The following LMNTD1 variants were observed in gnomAD, a reference collection of about 807,000 sequenced individuals.
The protein encoded by LMNTD1 is lamin tail domain containing 1.
Under a neutral mutation model 50.9 loss-of-function variants are expected in LMNTD1, and 35 were observed. That is an observed-to-expected ratio of 0.69 (90% CI 0.53 to 0.91). LMNTD1 has a LOEUF of 0.91. LMNTD1 is among the 40% of genes least tolerant of loss of function. The pLI is 0.00. For missense variants in LMNTD1, 470 were observed against 475.5 expected (o/e 0.99, Z 0.11); for synonymous variants, 153 against 161.9 (o/e 0.94, Z 0.42).
chr12:25,589,225 A>G (rs1945626173), intron 1 of LMNTD1, among the ~76,000 whole-genome samples: 1 of 152,246 alleles, frequency 6.6e-6, no homozygotes, highest in African/African-American at 2.4e-5. Context: ...TATAACAGTC[A>G]GAAATCAATT....
intron 1 of LMNTD1, among the ~76,000 whole-genome samples, chr12:25,575,684 A>G (rs1944980056): frequency 5.2e-5 from 1 of 19,254 alleles, no homozygotes; most frequent in Non-Finnish European, 2.7e-4. Context: ...CCCTAGCTCT[A>G]TTTTCTTTTT....
At chr12:25,620,987 G>T (rs1362214929) in intron 1 of LMNTD1, among the ~76,000 whole-genome samples, 1 of 152,284 alleles carries the variant, frequency 6.6e-6, no homozygotes, top group Middle Eastern at 3.4e-3. Context: ...CTGGTAAGTG[G>T]CAGGGAAGAG....
chr12:25,511,597 A>T (rs1417271913), intron 8 of LMNTD1, among the ~76,000 whole-genome samples: 4 of 152,162 alleles, frequency 2.6e-5, no homozygotes, highest in Non-Finnish European at 5.9e-5. Flanking sequence ...CATTTTTCAC[A>T]TTGCTTTTAA....
chr12:25,564,757 T>C (rs1323675170), intron 1 of LMNTD1, among the ~76,000 whole-genome samples: 2 of 152,184 alleles, frequency 1.3e-5, no homozygotes, highest in East Asian at 3.8e-4. Flanking sequence ...TGGTCTATAG[T>C]GTATATTAAG....
rs138534907 is a variant in LMNTD1 at position 25,546,502 on chromosome 12, C to G, written c.363G>C (p.Gly121=). Reference sequence around the variant, plus strand: ...AAGAAAGGAAATAATCTTCTCCATCCCCAATCATGGGTGATTCATCCTGTT... The same window carrying G: ...AAGAAAGGAAATAATCTTCTCCATCGCCAATCATGGGTGATTCATCCTGTT... The part of the protein sequence containing the change: ...PKKQDESPMI[G]DGEDYFLSLF... Residue 121 remains glycine, a synonymous_variant, in exon 4 of 10, where the codon GGG becomes GGC. Transcript: ENST00000458174. 5.7e-6 allele frequency: 9 copies of G among 1,590,582 alleles called. No homozygotes were observed. The highest frequency in any genetic ancestry group is 7.7e-6 in the Non-Finnish European group (9 of 1,166,640).
intron 1 of LMNTD1, among the ~76,000 whole-genome samples, chr12:25,620,048 C>A (rs906784065): frequency 6.6e-6 from 1 of 152,088 alleles, no homozygotes; most frequent in Admixed American, 6.6e-5. Context: ...CATGTTATTC[C>A]ATAATTTAGA....
At chr12:25,539,044 C>T (rs1591955499) in intron 4 of LMNTD1, among the ~76,000 whole-genome samples, 1 of 151,534 alleles carries the variant, frequency 6.6e-6, no homozygotes, top group South Asian at 2.1e-4. Flanking sequence ...TATATGTGCA[C>T]CCAATACAGG....
chr12:25,634,966 C>T (rs142017759), intron 1 of LMNTD1, among the ~76,000 whole-genome samples: 6 of 152,232 alleles, frequency 3.9e-5, no homozygotes, highest in East Asian at 3.9e-4. Context: ...GCAGGCTGGG[C>T]GCAGTGGCTC....
chr12:25,598,577 GAA>G (rs2136500561), intron 1 of LMNTD1, among the ~76,000 whole-genome samples: 1 of 151,706 alleles, frequency 6.6e-6, no homozygotes, highest in Non-Finnish European at 1.5e-5. Flanking sequence ...TTGTTTTCTT[GAA>G]AAGTTAAACA....
In LMNTD1 at chr12:25,546,426, T is replaced by A; in HGVS notation, c.439A>T (p.Thr147Ser). The A allele has an allele frequency of 6.3e-7, 1 of 1,596,132 alleles. No homozygotes were observed. The highest frequency in any genetic ancestry group is 8.5e-7 in the Non-Finnish European group (1 of 1,170,784). Residue 147 changes from threonine (T) to serine (S), a missense_variant, in exon 4 of 10, where the codon ACT becomes TCT. By Grantham distance (58) the Thr-to-Ser change is moderately conservative. Transcript: ENST00000458174. ...AGAATCATAGAAAAGTATTTTAAAG[T>A]TTTCTGAGTGTAGTTTGAGTGTGCT... Reference protein sequence around the residue: ...LTAHSNYTQKTLKYFSMILEE... With the variant: ...LTAHSNYTQKSLKYFSMILEE...
chr12:25,604,845 T>A (rs1946060012), intron 1 of LMNTD1, among the ~76,000 whole-genome samples: 2 of 152,190 alleles, frequency 1.3e-5, no homozygotes, highest in Admixed American at 1.3e-4. Flanking sequence ...TGATTTATAA[T>A]CCTTTGCGTA....
chr12:25,604,597 T>C (rs1026004233), intron 1 of LMNTD1, among the ~76,000 whole-genome samples: 2 of 151,432 alleles, frequency 1.3e-5, no homozygotes, highest in African/African-American at 4.9e-5. Context: ...GAACATGCAG[T>C]GTTTGGTTTT....
chr12:25,535,273 GA>G (rs888234026), intron 4 of LMNTD1, among the ~76,000 whole-genome samples: 3 of 151,852 alleles, frequency 2.0e-5, no homozygotes, highest in African/African-American at 7.2e-5. Context: ...ACAATCAGAG[GA>G]AAAAGTACAT....
chr12:25,567,010 G>A (rs555546873), intron 1 of LMNTD1, among the ~76,000 whole-genome samples: 1 of 152,180 alleles, frequency 6.6e-6, no homozygotes, highest in African/African-American at 2.4e-5. Flanking sequence ...TATGTCTTTT[G>A]TAAGTGCAGG....
chr12:25,495,311 A>T (rs1037367599), intron 9 of LMNTD1, among the ~76,000 whole-genome samples: 1 of 149,866 alleles, frequency 6.7e-6, no homozygotes, highest in Non-Finnish European at 1.5e-5. Context: ...ATGCTTATCT[A>T]TTTGGGGGTA....
At chr12:25,499,167 G>T (rs1245625269) in intron 9 of LMNTD1, among the ~76,000 whole-genome samples, 2 of 152,118 alleles carry the variant, frequency 1.3e-5, no homozygotes, top group Non-Finnish European at 2.9e-5. Flanking sequence ...AACCTCCTGG[G>T]CTCAAATGAT....
chr12:25,492,506 A>G (rs534347828), intron 9 of LMNTD1, among the ~76,000 whole-genome samples: 5 of 152,328 alleles, frequency 3.3e-5, no homozygotes, highest in Admixed American at 3.3e-4. Context: ...ATGATAAAGG[A>G]GAGAAGAATT....
At chr12:25,605,847 G>A (rs1456611183) in intron 1 of LMNTD1, among the ~76,000 whole-genome samples, 1 of 152,142 alleles carries the variant, frequency 6.6e-6, no homozygotes, top group African/African-American at 2.4e-5. Flanking sequence ...GAACTTTAAA[G>A]TAGTTTTTTC....
intron 1 of LMNTD1, among the ~76,000 whole-genome samples, chr12:25,636,267 T>C (rs895049413): frequency 1.3e-5 from 2 of 151,644 alleles, no homozygotes; most frequent in African/African-American, 2.4e-5. Context: ...GAATCTACAA[T>C]GAACTCAAAC....
Sources: gnomAD v4.1 joint callset for allele counts (sites outside exome capture counted in the v4.1 genomes callset) on GRCh38, gnomAD v4.1.1 for gene constraint, MANE v1.5 for transcripts, NCBI Gene and HGNC (gene_info 2026-07-23, HGNC 2026-07-21) for gene names.